VRK3: variants seen among roughly 807,000 people sequenced by gnomAD.
VRK3 encodes VRK serine/threonine kinase 3.
Under a neutral mutation model 60.4 loss-of-function variants are expected in VRK3, and 50 were observed. The ratio of observed to expected loss-of-function variants is 0.83; its 90% CI spans 0.66 to 1.05. The LOEUF (loss-of-function observed/expected upper bound fraction) is 1.05. Among genes scored for constraint, VRK3 ranks in the 50% least tolerant of loss-of-function variants. VRK3 has a pLI of 0.00. For missense variants in VRK3, 549 were observed against 585.3 expected (o/e 0.94, Z 0.64); for synonymous variants, 246 against 227.8 (o/e 1.08, Z -0.72).
At chr19:50,019,189 A>T (rs1329380714) in intron 2 of VRK3, 1 of 133,536 alleles carries the variant, frequency 7.5e-6, no homozygotes, top group African/African-American at 3.7e-5. Context: ...AAAAAAAAAG[A>T]AAAAAAATTA....
intron 13 of VRK3, 51 bp from the exon 14 acceptor site, chr19:49,979,293 A>G (rs1369821110): frequency 9.3e-6 from 15 of 1,612,020 alleles, no homozygotes; most frequent in Admixed American, 3.3e-5. Flanking sequence ...GCATCCCCCA[A>G]CCCCGATCCT....
At chr19:50,018,725 G>A (rs1212181223) in intron 2 of VRK3, among the ~76,000 whole-genome samples, 1 of 152,166 alleles carries the variant, frequency 6.6e-6, no homozygotes, top group Non-Finnish European at 1.5e-5. Flanking sequence ...CACAAATACT[G>A]GTGAGCATTT....
chr19:49,990,488 C>T, intron 10 of VRK3, among the ~76,000 whole-genome samples: 1 of 151,822 alleles, frequency 6.6e-6, no homozygotes, highest in South Asian at 2.1e-4. Flanking sequence ...TCCAGTGATC[C>T]TCCCACCTCA....
chr19:49,980,887 C>T (rs2076410573), intron 13 of VRK3, 68 bp downstream of exon 13: 35 of 1,473,870 alleles, frequency 2.4e-5, no homozygotes, highest in Non-Finnish European at 3.3e-5. Context: ...AGAAGCCACC[C>T]CAAGATGGAT....
intron 1 of VRK3, 159 bp downstream of exon 1, chr19:50,025,108 G>A (rs1031046090): frequency 6.6e-6 from 1 of 152,332 alleles, no homozygotes; most frequent in Non-Finnish European, 1.5e-5. Flanking sequence ...CTCAAGAGGA[G>A]GCCAGTGAAC....
intron 1 of VRK3, among the ~76,000 whole-genome samples, chr19:50,023,490 A>G (rs899822731): frequency 2.0e-5 from 3 of 152,072 alleles, no homozygotes; most frequent in African/African-American, 7.2e-5. Flanking sequence ...CCTGGACACC[A>G]TTTTACTAAT....
Position 50,016,013 on chromosome 19 carries a change from CT to C in VRK3, c.139+10del. On this transcript the variant is annotated intron_variant, in intron 3 of 14. Transcript: ENST00000316763. ...CCACCGCAGAAACAGGCTCAATGCTCTGGTTCTTACCTTGGAAGGATGACAC... is the reference window on the plus strand; with the variant it reads ...CCACCGCAGAAACAGGCTCAATGCTCGGTTCTTACCTTGGAAGGATGACAC... The C allele has an allele frequency of 6.2e-7, 1 of 1,614,192 alleles. No individual in the cohort carries two copies. The highest frequency in any genetic ancestry group is 1.1e-5 in the South Asian group (1 of 91,076).
chr19:50,006,645 G>A (rs1410703181), intron 5 of VRK3, among the ~76,000 whole-genome samples: 1 of 152,144 alleles, frequency 6.6e-6, no homozygotes, highest in Admixed American at 6.5e-5. Context: ...AAAGTGCTGG[G>A]ATTACAGGCG....
chr19:50,012,252 GTGAGCCAC>G (rs1460249945), intron 3 of VRK3, among the ~76,000 whole-genome samples: 5 of 152,138 alleles, frequency 3.3e-5, no homozygotes, highest in Non-Finnish European at 7.4e-5. Flanking sequence ...GATTACATGC[GTGAGCCAC>G]TGTGCCTGGC....
chr19:49,986,499 C>T (rs1336148810), intron 12 of VRK3: 2 of 153,082 alleles, frequency 1.3e-5, no homozygotes, highest in Non-Finnish European at 2.9e-5. Flanking sequence ...ACGCAAATCA[C>T]ACACAGCACC....
At chr19:49,996,723 T>C (rs2076710793) in intron 7 of VRK3, among the ~76,000 whole-genome samples, 1 of 151,886 alleles carries the variant, frequency 6.6e-6, no homozygotes, top group African/African-American at 2.4e-5. Flanking sequence ...TTCGAGTGAT[T>C]CTCCCACCTC....
intron 8 of VRK3, 57 bp from the exon 9 acceptor site, chr19:49,994,976 G>A (rs779223155): frequency 9.2e-6 from 14 of 1,525,372 alleles, no homozygotes; most frequent in Middle Eastern, 1.7e-4. Flanking sequence ...GAGGAGTACC[G>A]GCCGCCAAGG....
At chr19:50,010,917 CAAAAACAAAAACAAAAAACA>C (rs1384212432) in intron 3 of VRK3, among the ~76,000 whole-genome samples, 6 of 151,400 alleles carry the variant, frequency 4.0e-5, no homozygotes, top group African/African-American at 7.3e-5. Flanking sequence ...TGTCTCAAAA[CAAAAACAAAAACAAAAAACA>C]AAAAACAAAA....
intron 11 of VRK3, 81 bp from the exon 12 acceptor site, chr19:49,988,573 TC>T: frequency 3.3e-6 from 5 of 1,534,778 alleles, no homozygotes; most frequent in Non-Finnish European, 4.4e-6. Flanking sequence ...CCTTCCCCTC[TC>T]TCTCACTGAC....
At chr19:49,980,839 G>A (rs1246412910) in intron 13 of VRK3, 116 bp downstream of exon 13, 2 of 871,098 alleles carry the variant, frequency 2.3e-6, no homozygotes, top group African/African-American at 1.7e-5. Flanking sequence ...TATTACAAAT[G>A]CAATTTGGAA....
intron 4 of VRK3, among the ~76,000 whole-genome samples, chr19:50,008,524 T>C (rs992448418): frequency 2.0e-5 from 3 of 152,142 alleles, no homozygotes; most frequent in African/African-American, 7.2e-5. Context: ...ATCCAGGGGC[T>C]CAGTGAACAG....
At position 49,995,226 on chromosome 19, in the gene VRK3, G is replaced by C; in HGVS notation, c.729C>G (p.Thr243=). ...CCTGGTGAACACCGAAACCCATGCA[G>C]GTAGGGATGGCCAGCAGTGGGGTCG... The part of the protein sequence containing the change: ...LYSTPLLAIP[T]CMGFGVHQDK... The change falls in exon 8 of 15, where the codon ACC becomes ACG. Residue 243 remains threonine (T), a synonymous_variant. Coordinates refer to ENST00000316763, the MANE Select transcript of VRK3 (RefSeq NM_016440.4). 6.2e-7 allele frequency: 1 copy of C among 1,614,218 alleles called. No individual in the cohort carries two copies. Among genetic ancestry groups the C allele is most frequent in the Non-Finnish European group, 8.5e-7 (1 of 1,180,034 alleles).
At chr19:50,002,587 A>G (rs749111539) in intron 5 of VRK3, among the ~76,000 whole-genome samples, 23 of 152,282 alleles carry the variant, frequency 1.5e-4, no homozygotes, top group Non-Finnish European at 2.8e-4. Context: ...ATTTGATACA[A>G]TTTTATAATC....
At chr19:50,005,792 C>A (rs1324377569) in intron 5 of VRK3, among the ~76,000 whole-genome samples, 2 of 149,698 alleles carry the variant, frequency 1.3e-5, no homozygotes, top group African/African-American at 5.1e-5. Flanking sequence ...GCGCAGGACT[C>A]CACTTCTGTG....
Sources: gnomAD v4.1 joint callset for allele counts (sites outside exome capture counted in the v4.1 genomes callset) on GRCh38, gnomAD v4.1.1 for gene constraint, MANE v1.5 for transcripts, NCBI Gene and HGNC (gene_info 2026-07-23, HGNC 2026-07-21) for gene names.